The following FRY variants were observed in gnomAD, a reference collection of about 807,000 sequenced individuals.
FRY encodes protein furry homolog.
A neutral mutation model predicts 348.4 loss-of-function variants in FRY; 128 were observed. That is an observed-to-expected ratio of 0.37 (90% CI 0.32 to 0.43). FRY has a LOEUF of 0.43. FRY is among the 20% of genes least tolerant of loss of function. The probability of loss-of-function intolerance (pLI) is 1.00; values close to 1 mark genes in which losing one functional copy is unlikely to be tolerated. For synonymous variants in FRY, 1,370 were observed against 1,374.7 expected (o/e 1.00, Z 0.08); for missense variants, 2,736 against 3,695.2 (o/e 0.74, Z 6.73).
chr13:32,266,247 G>A (rs1455389564), intron 54 of FRY, among the ~76,000 whole-genome samples: 1 of 152,178 alleles, frequency 6.6e-6, no homozygotes, highest in African/African-American at 2.4e-5. Flanking sequence ...CTAGACAAAG[G>A]CCTTCTGTTA....
Position 32,167,599 on chromosome 13 carries a change from A to G in FRY, c.1893-3413A>G, listed in dbSNP as rs140865329. ...TCCAAATAAGGTCACATTCTGAGGTACTGGGAGTTAGGACTTAAACATATG... is the reference window on the plus strand; with the variant it reads ...TCCAAATAAGGTCACATTCTGAGGTGCTGGGAGTTAGGACTTAAACATATG... On this transcript the variant is annotated intron_variant, in intron 17 of 60. Coordinates refer to ENST00000542859, the MANE Select transcript of FRY (RefSeq NM_023037.3). Among the ~76,000 whole-genome samples the G allele has an allele frequency of 6.9e-3, 1,058 of 152,324 alleles. 6 individuals carry two copies. The highest frequency in any genetic ancestry group is 0.024 in the African/African-American group (1,011 of 41,572).
rs1217184162 is a variant in FRY, at chr13:32,239,327, A to G, written c.6494A>G (p.Asp2165Gly). 6.2e-7 allele frequency: 1 copy of G among 1,606,576 alleles called. No individual in the cohort carries two copies. The highest frequency in any genetic ancestry group is 1.3e-5 in the African/African-American group (1 of 74,874). Reference protein sequence around the residue: ...HFENPNQFCKDIAERIAQVCL... With the variant: ...HFENPNQFCKGIAERIAQVCL... The stretch of plus-strand genomic sequence containing the variant: ...GAAAATCCCAATCAGTTCTGTAAGG[A>G]TATAGCCGAAAGGATTGCTCAGGTA... Residue 2165 changes from aspartate (D) to glycine (G), a missense_variant, in exon 45 of 61, where the codon GAT becomes GGT. By Grantham distance (94) the Asp-to-Gly change is moderately conservative. This residue lies in a region of FRY where 789 missense variants were observed against 996.2 expected (regional missense o/e 0.79). Coordinates refer to ENST00000542859, the MANE Select transcript of FRY (RefSeq NM_023037.3). The surrounding 1 kb of genome is among the most constrained non-coding windows in gnomAD (Gnocchi z 4.3).
chr13:32,278,502 C>G lies in FRY; in HGVS notation c.8423C>G (p.Ser2808Ter). The G allele has an allele frequency of 6.2e-7, 1 of 1,602,942 alleles. No homozygotes were observed. The highest frequency in any genetic ancestry group is 8.5e-7 in the Non-Finnish European group (1 of 1,169,974). ...TGTAAGGCAACATTTGCAGGGGGAT[C>G]AAGAGATGGAGTAATTACCTGTCAA... ...ANCKATFAGG[S>*]RDGVITCQPG... Residue 2808 changes from serine to a stop codon, truncating the protein, a stop_gained, in exon 58 of 61, where the codon TCA becomes TGA. Coordinates refer to ENST00000542859, the MANE Select transcript of FRY (RefSeq NM_023037.3). LOFTEE classifies it high-confidence loss of function.
Position 32,239,092 on chromosome 13 carries a change from T to C in FRY, c.6419-160T>C, listed in dbSNP as rs1333346336. Among the ~76,000 whole-genome samples the C allele has an allele frequency of 6.6e-6, 1 of 152,188 alleles. No homozygotes were observed. The highest frequency in any genetic ancestry group is 1.9e-4 in the East Asian group (1 of 5,196). On this transcript the variant is annotated intron_variant, in intron 44 of 60. Coordinates refer to ENST00000542859, the MANE Select transcript of FRY (RefSeq NM_023037.3). This position sits in a 1 kb window ranked among gnomAD's most constrained non-coding sequence, Gnocchi z 4.3. Reference sequence around the variant, plus strand: ...TTCTTTGTAACTGGTGCAATTGTGGTTGTGCATTTTTCATAGATTTTGTGT... The same window carrying C: ...TTCTTTGTAACTGGTGCAATTGTGGCTGTGCATTTTTCATAGATTTTGTGT...
At chr13:32,202,065 A>G (rs1235240462) in intron 30 of FRY, 25 bp downstream of exon 30, 5 of 1,282,290 alleles carry the variant, frequency 3.9e-6, no homozygotes, top group African/African-American at 2.9e-5. Context: ...CTGGCATAGA[A>G]AATATCCATC....
At chr13:32,254,588 A>G (rs1887242162) in intron 51 of FRY, among the ~76,000 whole-genome samples, 194 bp downstream of exon 51, 1 of 152,186 alleles carries the variant, frequency 6.6e-6, no homozygotes, top group African/African-American at 2.4e-5. Context: ...TTCCTGTCTG[A>G]GCCCACGGCA....
chr13:32,084,868 C>T (rs1165143235), intron 2 of FRY, among the ~76,000 whole-genome samples: 2 of 146,424 alleles, frequency 1.4e-5, no homozygotes, highest in Non-Finnish European at 3.0e-5. Context: ...TGGGATGCAT[C>T]TTGACACATA....
chr13:32,098,024 C>G (rs1041915895), intron 2 of FRY, among the ~76,000 whole-genome samples: 1 of 152,066 alleles, frequency 6.6e-6, no homozygotes, highest in African/African-American at 2.4e-5. Context: ...CTGGACACCA[C>G]TGTCCTAGAA....
At chr13:32,278,615 C>G in intron 58 of FRY, 67 bp downstream of exon 58, 1 of 887,924 alleles carries the variant, frequency 1.1e-6, no homozygotes, top group Non-Finnish European at 1.9e-6. Flanking sequence ...TTGGTCTACC[C>G]AAGAAGCCTG....
In FRY at chr13:32,209,667, G is replaced by A; in HGVS notation, c.4358G>A (p.Arg1453Lys). ...ANNEKWSNNL[R>K]ITLQFLISLC... ...AATGAGAAATGGAGCAACAACCTGA[G>A]GATCACCTTGCAGTTCCTGATTAGC... The change falls in exon 33 of 61, where the codon AGG becomes AAG. Residue 1453 changes from arginine to lysine, a missense_variant. By Grantham distance (26) the Arg-to-Lys change is conservative. Coordinates refer to ENST00000542859, the MANE Select transcript of FRY (RefSeq NM_023037.3). The A allele has an allele frequency of 1.9e-6, 3 of 1,614,050 alleles. No homozygotes were observed. Among genetic ancestry groups the A allele is most frequent in the Non-Finnish European group, 1.7e-6 (2 of 1,179,928 alleles).
At chr13:32,050,517 G>C (rs1171906844) in intron 1 of FRY, among the ~76,000 whole-genome samples, 1 of 152,046 alleles carries the variant, frequency 6.6e-6, no homozygotes, top group African/African-American at 2.4e-5. Flanking sequence ...TGCTTTCCTG[G>C]GCCATGTATA....
chr13:32,161,291 C>A (rs1881430132), intron 17 of FRY, 40 bp downstream of exon 17: 3 of 1,190,050 alleles, frequency 2.5e-6, no homozygotes, highest in East Asian at 4.7e-5. Flanking sequence ...AATTTCGATC[C>A]TTTGTTGTGA....
At position 32,201,923 on chromosome 13, in the gene FRY, G is replaced by C; in HGVS notation, c.3747-18G>C. 2.2e-6 allele frequency: 3 copies of C among 1,375,374 alleles called. No homozygotes were observed. The highest frequency in any genetic ancestry group is 1.4e-5 in the African/African-American group (1 of 70,288). The allele number at this position is 1,375,374 out of a possible 1,614,324, so 85.2% of individuals were successfully genotyped here. On this transcript the variant is annotated intron_variant, in intron 29 of 60. Coordinates refer to ENST00000542859, the MANE Select transcript of FRY (RefSeq NM_023037.3). The stretch of plus-strand genomic sequence containing the variant: ...TTATAAACCATGCTTTTTTTGTTTT[G>C]TTCTGTTGTGTTTTTAGGAACTATC...
intron 51 of FRY, among the ~76,000 whole-genome samples, chr13:32,254,796 A>G (rs9595223): frequency 0.28 from 42,851 of 152,194 alleles, 6,371 homozygotes; most frequent in Non-Finnish European, 0.31. Flanking sequence ...CTCTAATTCA[A>G]TTCCTTCAAA....
At chr13:32,137,747 T>A (rs1049701696) in intron 11 of FRY, among the ~76,000 whole-genome samples, 1 of 152,280 alleles carries the variant, frequency 6.6e-6, no homozygotes, top group African/African-American at 2.4e-5. Context: ...TGATTAAATT[T>A]CTTTTACCAG....
chr13:32,286,357 G>C (rs1485945629), intron 58 of FRY, among the ~76,000 whole-genome samples: 2 of 151,776 alleles, frequency 1.3e-5, no homozygotes, highest in Admixed American at 1.3e-4. Context: ...TGGTCAATTT[G>C]ATTTAAAAAA....
At chr13:32,087,596 TTTAGACCATATCTGATG>T (rs1875969087) in intron 2 of FRY, among the ~76,000 whole-genome samples, 1 of 152,194 alleles carries the variant, frequency 6.6e-6, no homozygotes, top group Non-Finnish European at 1.5e-5. Flanking sequence ...CTCTTGTGAT[TTTAGACCATATCTGATG>T]AGAAGTAAGA....
intron 3 of FRY, among the ~76,000 whole-genome samples, chr13:32,107,940 A>G (rs932412295): frequency 1.3e-5 from 2 of 152,246 alleles, no homozygotes; most frequent in East Asian, 1.9e-4. Flanking sequence ...TTAAATTACT[A>G]TAGTAACTGT....
rs765132359 is a variant in FRY at position 32,178,832 on chromosome 13, C to T, written c.2682-12C>T. On this transcript the variant is annotated splice_polypyrimidine_tract_variant and intron_variant, in intron 21 of 60. Transcript: ENST00000542859. ...CTTAGTTTCACTCTTGTTTTCGACT[C>T]CATATTTCTAGTAGCCCAATTAATG... The T allele has an allele frequency of 1.1e-5, 18 of 1,590,424 alleles. No homozygotes were observed. The highest frequency in any genetic ancestry group is 1.6e-5 in the Non-Finnish European group (18 of 1,158,512).
Sources: gnomAD v4.1 joint callset for allele counts (sites outside exome capture counted in the v4.1 genomes callset) on GRCh38, gnomAD v4.1.1 for gene constraint, gnomAD v4.1.1 regional missense constraint, Gnocchi (gnomAD v3.1) non-coding constraint, MANE v1.5 for transcripts, NCBI Gene and HGNC (gene_info 2026-07-23, HGNC 2026-07-21) for gene names.